The following AP3B1 variants were observed in gnomAD, a reference collection of about 807,000 sequenced individuals.
AP3B1 encodes AP-3 complex subunit beta-1.
A neutral mutation model predicts 132.5 loss-of-function variants in AP3B1; 61 were observed. The ratio of observed to expected loss-of-function variants is 0.46; its 90% CI spans 0.37 to 0.57. The LOEUF is 0.57. Among genes scored for constraint, AP3B1 ranks in the 20% least tolerant of loss-of-function variants. The pLI is 0.00. For missense variants in AP3B1, 1,120 were observed against 1,289.4 expected, an observed-to-expected ratio of 0.87 and a Z score of 2.01; for synonymous variants, 388 against 438.3, an observed-to-expected ratio of 0.89 and a Z score of 1.43.
At chr5:78,121,182 A>G (rs370275698) in intron 17 of AP3B1, among the ~76,000 whole-genome samples, 136 of 152,288 alleles carry the variant, frequency 8.9e-4, no homozygotes, top group Middle Eastern at 3.4e-3. Flanking sequence ...TCTCTGGGAC[A>G]CATTCAAAGC....
chr5:78,148,201 T>C (rs1420874955), intron 14 of AP3B1, among the ~76,000 whole-genome samples: 1 of 152,198 alleles, frequency 6.6e-6, no homozygotes, highest in Admixed American at 6.5e-5. Flanking sequence ...GTTTTATGTA[T>C]AGCAGCTGCA....
chr5:78,124,359 AAC>A (rs369100371), intron 17 of AP3B1, among the ~76,000 whole-genome samples: 47 of 151,794 alleles, frequency 3.1e-4, no homozygotes, highest in Admixed American at 2.2e-3. Flanking sequence ...ATAAAAATTA[AAC>A]ACACACACAC....
At chr5:78,013,121 A>G (rs1746690649) in intron 26 of AP3B1, among the ~76,000 whole-genome samples, 1 of 151,998 alleles carries the variant, frequency 6.6e-6, no homozygotes, top group Non-Finnish European at 1.5e-5. Context: ...ACAGCTCACT[A>G]CAGCCTTGAC....
intron 20 of AP3B1, among the ~76,000 whole-genome samples, chr5:78,106,683 A>T (rs567662148): frequency 4.5e-4 from 69 of 152,290 alleles, no homozygotes; most frequent in Admixed American, 4.5e-3. Context: ...TGAAGAGCTA[A>T]TCTAGAATAG....
At chr5:78,274,453 G>C (rs1000048293) in intron 1 of AP3B1, among the ~76,000 whole-genome samples, 2 of 151,268 alleles carry the variant, frequency 1.3e-5, no homozygotes, top group African/African-American at 2.4e-5. Context: ...AGAGAAAAGA[G>C]AGTATGAAAC....
chr5:78,210,192 G>A (rs192749568), intron 7 of AP3B1, among the ~76,000 whole-genome samples: 57 of 152,040 alleles, frequency 3.7e-4, no homozygotes, highest in Admixed American at 9.8e-4. Context: ...CCATTGGTAA[G>A]ACACATGACA....
chr5:78,029,974 T>C (rs79237276), intron 24 of AP3B1, among the ~76,000 whole-genome samples: 188 of 152,300 alleles, frequency 1.2e-3, no homozygotes, highest in African/African-American at 4.3e-3. Flanking sequence ...TAGTATACCA[T>C]CACTCCTCCT....
In AP3B1 at chr5:78,174,572, G is replaced by A. The variant is rs1283868428; in HGVS notation, c.1167+1054C>T. ...CAAATACTGTAGAACAGCAAATATT[G>A]CTGCCTGGTCCTTCCTCTGGAAGCT... On this transcript the variant is annotated intron_variant, in intron 11 of 26. Coordinates refer to ENST00000255194, the MANE Select transcript of AP3B1 (RefSeq NM_003664.5). Among the ~76,000 whole-genome samples, 3 of 152,214 alleles carry A rather than the reference G, an allele frequency of 2.0e-5. No individual in the cohort carries two copies. In the East Asian group the frequency reaches 5.8e-4, roughly 29 times the overall value.
At chr5:78,022,030 G>T (rs1436574621) in intron 24 of AP3B1, among the ~76,000 whole-genome samples, 1 of 152,156 alleles carries the variant, frequency 6.6e-6, no homozygotes, top group Non-Finnish European at 1.5e-5. Context: ...TTATTCATGT[G>T]TGGGTACAGA....
At chr5:78,257,925 A>G (rs1039778396) in intron 2 of AP3B1, among the ~76,000 whole-genome samples, 2 of 152,196 alleles carry the variant, frequency 1.3e-5, no homozygotes, top group Non-Finnish European at 2.9e-5. Context: ...GACAGTCTCT[A>G]ATAAATGGTG....
intron 14 of AP3B1, among the ~76,000 whole-genome samples, chr5:78,152,997 G>A (rs1354183014): frequency 6.6e-6 from 1 of 152,110 alleles, no homozygotes; most frequent in Admixed American, 6.5e-5. Context: ...CTGATAAAAA[G>A]AATGTGTATT....
At chr5:78,234,614 T>G (rs1561492771) in intron 3 of AP3B1, among the ~76,000 whole-genome samples, 1 of 152,226 alleles carries the variant, frequency 6.6e-6, no homozygotes, top group Non-Finnish European at 1.5e-5. Flanking sequence ...AATCAACACA[T>G]AATATGTATT....
intron 2 of AP3B1, among the ~76,000 whole-genome samples, chr5:78,259,730 G>A (rs1310845707): frequency 6.6e-6 from 1 of 152,188 alleles, no homozygotes; most frequent in Non-Finnish European, 1.5e-5. Flanking sequence ...CACTTTGGGA[G>A]GCCAAGGTGG....
chr5:78,284,016 G>A (rs1348782753), intron 1 of AP3B1, among the ~76,000 whole-genome samples: 1 of 152,080 alleles, frequency 6.6e-6, no homozygotes. Flanking sequence ...TCGCCACACT[G>A]AATTGTTTCC....
chr5:78,178,726 A>C (rs1441302914), intron 8 of AP3B1, among the ~76,000 whole-genome samples: 3 of 152,218 alleles, frequency 2.0e-5, no homozygotes, highest in Non-Finnish European at 4.4e-5. Context: ...TGACAACTGC[A>C]GAGACATAGC....
intron 22 of AP3B1, among the ~76,000 whole-genome samples, chr5:78,040,197 T>C (rs1748018086): frequency 6.6e-6 from 1 of 152,212 alleles, no homozygotes; most frequent in Non-Finnish European, 1.5e-5. Context: ...AGACCTTTGA[T>C]GGTTTCAAAT....
Position 78,216,127 on chromosome 5 carries a change from C to G in AP3B1, c.714G>C (p.Glu238Asp). The G allele has an allele frequency of 6.2e-7, 1 of 1,614,114 alleles. No individual in the cohort carries two copies. The highest frequency in any genetic ancestry group is 8.5e-7 in the Non-Finnish European group (1 of 1,179,942). Residue 238 changes from glutamate (E) to aspartate (D), a missense_variant, in exon 7 of 27, where the codon GAG becomes GAC. Glu to Asp is a conservative substitution (Grantham distance 45). This residue lies in a region of AP3B1 where 129 missense variants were observed against 212.4 expected (regional missense o/e 0.61). Coordinates refer to ENST00000255194, the MANE Select transcript of AP3B1 (RefSeq NM_003664.5). ...KLCNLLVDVE[E>D]WGQVVIIHML... ...TGTGGATTATGACAACCTGCCCCCACTCTTCAACATCCACTAGTAAGTTAC... is the reference window on the plus strand; with the variant it reads ...TGTGGATTATGACAACCTGCCCCCAGTCTTCAACATCCACTAGTAAGTTAC...
intron 3 of AP3B1, among the ~76,000 whole-genome samples, chr5:78,233,623 C>G (rs576061869): frequency 1.3e-5 from 2 of 152,152 alleles, no homozygotes; most frequent in Non-Finnish European, 2.9e-5. Context: ...AAACTGCCTG[C>G]GACAGCTTTT....
At chr5:78,116,835 C>T (rs982207328) in intron 17 of AP3B1, among the ~76,000 whole-genome samples, 1 of 152,060 alleles carries the variant, frequency 6.6e-6, no homozygotes, top group Non-Finnish European at 1.5e-5. Context: ...CTGCCCCCAG[C>T]AAACAAACTT....
Sources: allele counts gnomAD v4.1 joint callset (sites outside exome capture counted in the v4.1 genomes callset), GRCh38; gene constraint gnomAD v4.1.1; regional missense constraint gnomAD v4.1.1; transcripts MANE v1.5; gene names NCBI Gene and HGNC (gene_info 2026-07-23, HGNC 2026-07-21).